PLD5: variants seen among roughly 807,000 people sequenced by gnomAD.
PLD5 encodes the protein inactive phospholipase D5.
In PLD5, 36 loss-of-function variants were observed where a neutral mutation model predicts 61.1. The observed-to-expected ratio is 0.59, with a 90% CI of 0.45 to 0.78. The LOEUF (loss-of-function observed/expected upper bound fraction) is 0.78, where lower values mean the gene tolerates loss of function less well. Among genes scored for constraint, PLD5 ranks in the 30% least tolerant of loss-of-function variants. The pLI, the probability that PLD5 is intolerant of heterozygous loss-of-function variation, is 0.00. For synonymous variants in PLD5, 243 were observed against 242.8 expected, an observed-to-expected ratio of 1.00 and a Z score of -0.01; for missense variants, 515 against 644.4, an observed-to-expected ratio of 0.80 and a Z score of 2.17.
intron 6 of PLD5, among the ~76,000 whole-genome samples, chr1:242,117,981 C>T (rs1246923878): frequency 2.6e-5 from 1 of 38,614 alleles, no homozygotes; most frequent in Non-Finnish European, 4.1e-5. Flanking sequence ...CAAATGCTCA[C>T]ATTTGTTTCA....
intron 3 of PLD5, among the ~76,000 whole-genome samples, chr1:242,268,242 C>T (rs1480719488): frequency 6.6e-6 from 1 of 152,054 alleles, no homozygotes; most frequent in Non-Finnish European, 1.5e-5. Context: ...AACCTAAACT[C>T]GTGGTCATCT....
chr1:242,161,360 G>T (rs770347632), intron 5 of PLD5, among the ~76,000 whole-genome samples: 1 of 152,002 alleles, frequency 6.6e-6, no homozygotes, highest in Non-Finnish European at 1.5e-5. Flanking sequence ...GCATGGGAAA[G>T]ACCCGCCCTC....
At chr1:242,335,139 A>G (rs1353059709) in intron 2 of PLD5, among the ~76,000 whole-genome samples, 1 of 151,768 alleles carries the variant, frequency 6.6e-6, no homozygotes, top group Non-Finnish European at 1.5e-5. Context: ...TTGTCAGTTC[A>G]ATATTCAGGG....
intron 6 of PLD5, 120 bp downstream of exon 6, chr1:242,124,348 T>A: frequency 3.3e-6 from 3 of 898,016 alleles, no homozygotes; most frequent in South Asian, 1.7e-5. Context: ...CTTCACGTCA[T>A]GGGATAGAAC....
chr1:242,306,896 T>A (rs2149168311), intron 2 of PLD5, among the ~76,000 whole-genome samples: 2 of 152,378 alleles, frequency 1.3e-5, no homozygotes, highest in Middle Eastern at 3.4e-3. Flanking sequence ...CACATATTTA[T>A]CATTAATTTT....
intron 1 of PLD5, among the ~76,000 whole-genome samples, chr1:242,523,639 G>A (rs940930674): frequency 1.3e-5 from 2 of 152,196 alleles, no homozygotes; most frequent in African/African-American, 4.8e-5. Context: ...GGTCGCTAGC[G>A]GCGCCAACTT....
intron 5 of PLD5, among the ~76,000 whole-genome samples, chr1:242,159,773 A>G (rs894028081): frequency 6.6e-6 from 1 of 152,108 alleles, no homozygotes; most frequent in African/African-American, 2.4e-5. Context: ...GTAGGATTTC[A>G]TGCCTTTTCT....
intron 2 of PLD5, among the ~76,000 whole-genome samples, chr1:242,332,264 A>C (rs973376015): frequency 6.6e-6 from 1 of 151,902 alleles, no homozygotes; most frequent in African/African-American, 2.4e-5. Context: ...TATGTGCCAC[A>C]TTTTCTTTAT....
chr1:242,450,828 A>G (rs1333003278), intron 1 of PLD5, among the ~76,000 whole-genome samples: 1 of 152,206 alleles, frequency 6.6e-6, no homozygotes, highest in Non-Finnish European at 1.5e-5. Flanking sequence ...AGGTGCCCAC[A>G]TGAGAGACAT....
At chr1:242,463,157 G>A (rs1161619829) in intron 1 of PLD5, among the ~76,000 whole-genome samples, 2 of 151,990 alleles carry the variant, frequency 1.3e-5, no homozygotes, top group South Asian at 2.1e-4. Context: ...ACCAGTTTTC[G>A]GCCCCATTAG....
rs1193316679 is a variant in PLD5 at position 242,169,796 on chromosome 1, C to T, written c.736-45131G>A. Among the ~76,000 whole-genome samples the T allele has an allele frequency of 4.6e-5, 7 of 152,128 alleles. No individual in the cohort carries two copies. The East Asian group carries it at 5.8e-4, about 13-fold the overall frequency. Reference sequence around the variant, plus strand: ...GCTTGAGTAGGTGGTATTACCCTCACGGTGTAAACAAAGCAGCCAGGAAGT... The same window carrying T: ...GCTTGAGTAGGTGGTATTACCCTCATGGTGTAAACAAAGCAGCCAGGAAGT... On this transcript the variant is annotated intron_variant, in intron 5 of 9. Coordinates refer to ENST00000536534, the MANE Select transcript of PLD5 (RefSeq NM_001372062.1).
chr1:242,216,233 T>C (rs1023170705), intron 5 of PLD5, among the ~76,000 whole-genome samples: 1 of 151,966 alleles, frequency 6.6e-6, no homozygotes, highest in Non-Finnish European at 1.5e-5. Context: ...TGCACACAGC[T>C]GTATGCTTCA....
chr1:242,108,129 A>T (rs1272032891), intron 7 of PLD5, among the ~76,000 whole-genome samples: 1 of 152,000 alleles, frequency 6.6e-6, no homozygotes, highest in Non-Finnish European at 1.5e-5. Context: ...GGCCACCCTT[A>T]CTACATCTCT....
chr1:242,452,660 A>T (rs1233018101), intron 1 of PLD5, among the ~76,000 whole-genome samples: 1 of 152,050 alleles, frequency 6.6e-6, no homozygotes, highest in South Asian at 2.1e-4. Flanking sequence ...TACAAAAAAT[A>T]AAAAAATTAG....
At chr1:242,306,042 C>T (rs185835985) in intron 2 of PLD5, among the ~76,000 whole-genome samples, 1 of 152,068 alleles carries the variant, frequency 6.6e-6, no homozygotes, top group African/African-American at 2.4e-5. Flanking sequence ...GTTGTGTGTA[C>T]CCACAAAGGC....
chr1:242,145,667 C>T (rs1361651270), intron 5 of PLD5, among the ~76,000 whole-genome samples: 1 of 152,114 alleles, frequency 6.6e-6, no homozygotes, highest in Non-Finnish European at 1.5e-5. Context: ...CAGGAAGTCT[C>T]ATAAAAGGAG....
chr1:242,524,307 A>T lies in PLD5; in HGVS notation c.-31T>A. 7.2e-7 allele frequency: 1 copy of T among 1,380,738 alleles called. No homozygotes were observed. The highest frequency in any genetic ancestry group is 9.3e-7 in the Non-Finnish European group (1 of 1,075,316). 85.5% of individuals were successfully genotyped at this position (1,380,738 alleles called of 1,614,324 possible). A position where few individuals can be genotyped will look rare whatever the true frequency, so the allele number is the denominator to read the frequency against. ...CATGACCGGGCGGCCGCCGGCGAGC[A>T]GCGGACTCGGGACGGGCGCGCGGGG... On this transcript the variant is annotated 5_prime_UTR_variant, in exon 1 of 10. Coordinates refer to ENST00000536534, the MANE Select transcript of PLD5 (RefSeq NM_001372062.1).
At chr1:242,384,801 CT>C (rs981499232) in intron 1 of PLD5, among the ~76,000 whole-genome samples, 9 of 152,064 alleles carry the variant, frequency 5.9e-5, no homozygotes, top group African/African-American at 2.2e-4. Context: ...TTTGAATTAC[CT>C]TTTGATGAAG....
chr1:242,241,449 C>T, intron 4 of PLD5, among the ~76,000 whole-genome samples: 1 of 152,148 alleles, frequency 6.6e-6, no homozygotes, highest in East Asian at 1.9e-4. Context: ...CTTATACCAA[C>T]TGTCATTTCC....
Sources: allele counts gnomAD v4.1 joint callset (sites outside exome capture counted in the v4.1 genomes callset), GRCh38; gene constraint gnomAD v4.1.1; transcripts MANE v1.5; gene names NCBI Gene and HGNC (gene_info 2026-07-23, HGNC 2026-07-21).